Variants in ANKFN1 observed in about 807,000 individuals in gnomAD.
ANKFN1 encodes ankyrin repeat and fibronectin type III domain containing 1.
ANKFN1 carries 74 observed loss-of-function variants against 108.7 expected under a neutral mutation model. That is an observed-to-expected ratio of 0.68 (90% confidence interval 0.56 to 0.83). The LOEUF (loss-of-function observed/expected upper bound fraction) is 0.83, where lower values mean the gene tolerates loss of function less well. ANKFN1 is among the 40% of genes least tolerant of loss of function. The pLI is 0.00. For synonymous variants in ANKFN1, 547 were observed against 516.2 expected, an observed-to-expected ratio of 1.06 and a Z score of -0.81; for missense variants, 1,505 against 1,382.3, an observed-to-expected ratio of 1.09 and a Z score of -1.41.
chr17:56,113,068 C>A (rs550765217), intron 4 of ANKFN1, among the ~76,000 whole-genome samples: 2 of 152,256 alleles, frequency 1.3e-5, no homozygotes, highest in African/African-American at 4.8e-5. Context: ...ATCATGTGAC[C>A]TTATGAAAGT....
At chr17:56,334,080 T>C (rs2045739882) in intron 4 of ANKFN1, among the ~76,000 whole-genome samples, 1 of 152,062 alleles carries the variant, frequency 6.6e-6, no homozygotes, top group South Asian at 2.1e-4. Flanking sequence ...CATCTAACAA[T>C]TGAATAAATG....
At chr17:56,496,017 C>A (rs908670123) in intron 19 of ANKFN1, among the ~76,000 whole-genome samples, 1 of 152,048 alleles carries the variant, frequency 6.6e-6, no homozygotes, top group Non-Finnish European at 1.5e-5. Flanking sequence ...GTCAGCAAGT[C>A]TTTAGAAGGT....
intron 8 of ANKFN1, among the ~76,000 whole-genome samples, chr17:56,398,564 A>G (rs2047656754): frequency 6.6e-6 from 1 of 152,164 alleles, no homozygotes; most frequent in African/African-American, 2.4e-5. Context: ...CCTCAATCCA[A>G]AAGTTAAATA....
At position 56,318,239 on chromosome 17, in the gene ANKFN1, T is replaced by TG. The variant is rs199992403; in HGVS notation, c.54-7974dup. ...TGTAAAAATAGATAATTAATGGTTC[T>TG]GGGGGGGGTGTGCTGGCCTTTGGCA... On this transcript the variant is annotated intron_variant, in intron 3 of 20. Transcript: ENST00000682825. Among the ~76,000 whole-genome samples, 850 of 151,814 alleles carry TG rather than the reference T, an allele frequency of 5.6e-3. 5 individuals are homozygous for TG. Among genetic ancestry groups the TG allele is most frequent in the African/African-American group, 0.016 (654 of 41,432 alleles).
At chr17:56,266,565 T>C (rs1280302866) in intron 3 of ANKFN1, among the ~76,000 whole-genome samples, 7 of 152,180 alleles carry the variant, frequency 4.6e-5, no homozygotes, top group African/African-American at 1.4e-4. Context: ...TAAGTTGAGA[T>C]CTTCTAAACA....
chr17:56,332,927 C>T (rs964068323), intron 4 of ANKFN1, among the ~76,000 whole-genome samples: 2 of 151,634 alleles, frequency 1.3e-5, no homozygotes, highest in Non-Finnish European at 2.9e-5. Flanking sequence ...AGAACTGACA[C>T]TTTAACAATA....
At chr17:56,229,741 T>C (rs1916582932) in intron 3 of ANKFN1, among the ~76,000 whole-genome samples, 1 of 150,802 alleles carries the variant, frequency 6.6e-6, no homozygotes, top group South Asian at 2.1e-4. Flanking sequence ...TGTGACTGTT[T>C]GTTTTCTTTT....
chr17:56,341,012 C>T (rs1421305802), intron 4 of ANKFN1, among the ~76,000 whole-genome samples: 1 of 152,018 alleles, frequency 6.6e-6, no homozygotes, highest in Non-Finnish European at 1.5e-5. Flanking sequence ...TTGTAGAGAT[C>T]TTTCACCCCC....
intron 8 of ANKFN1, among the ~76,000 whole-genome samples, chr17:56,415,647 A>G (rs1255253214): frequency 1.3e-5 from 2 of 152,302 alleles, no homozygotes; most frequent in East Asian, 3.9e-4. Flanking sequence ...ACCCAAAGCA[A>G]TCTATAGATT....
rs190206127 is a variant in ANKFN1, at chr17:56,174,958, G to A, written c.-71+21428G>A. On this transcript the variant is annotated intron_variant, in intron 1 of 20. Coordinates refer to ENST00000682825, the MANE Select transcript of ANKFN1 (RefSeq NM_001370326.1). The stretch of plus-strand genomic sequence containing the variant: ...CTTTCTTTATTTTTTTATTAAGTGG[G>A]AGGGAGTTAATTATCTCTCTCTGTG... 2.7e-3 allele frequency among the ~76,000 whole-genome samples: 413 copies of A among 152,214 alleles called. 2 individuals carry two copies. The highest frequency in any genetic ancestry group is 9.4e-3 in the African/African-American group (392 of 41,544).
chr17:56,174,401 G>C, intron 1 of ANKFN1: 2 of 985,590 alleles, frequency 2.0e-6, no homozygotes, highest in Non-Finnish European at 2.4e-6. Flanking sequence ...CAGAGGCTGA[G>C]GTTGGCTTCC....
intron 4 of ANKFN1, among the ~76,000 whole-genome samples, chr17:56,099,564 G>A (rs1258615577): frequency 1.3e-5 from 2 of 152,158 alleles, no homozygotes; most frequent in Non-Finnish European, 2.9e-5. Context: ...GGACATAAAG[G>A]TTGATTAAAC....
At chr17:56,124,526 C>T (rs1333678863) in intron 4 of ANKFN1, among the ~76,000 whole-genome samples, 1 of 152,146 alleles carries the variant, frequency 6.6e-6, no homozygotes, top group Non-Finnish European at 1.5e-5. Flanking sequence ...TTCTTGGGTC[C>T]CTGGATTTAG....
intron 1 of ANKFN1, among the ~76,000 whole-genome samples, chr17:56,182,845 G>T (rs909702345): frequency 1.1e-4 from 17 of 152,140 alleles, no homozygotes; most frequent in African/African-American, 4.1e-4. Context: ...TGCAGCTGGT[G>T]GTCAATGTCA....
chr17:56,196,589 A>AG (rs1913532754), intron 1 of ANKFN1, among the ~76,000 whole-genome samples: 1 of 152,132 alleles, frequency 6.6e-6, no homozygotes, highest in African/African-American at 2.4e-5. Context: ...TTAAAAAAAA[A>AG]TTTAGCAGAG....
In ANKFN1 at chr17:56,511,169, C is replaced by A. The variant is rs2051754827; in HGVS notation, c.3341C>A (p.Ser1114Tyr). The part of the protein sequence containing the change: ...EKPWASLSPP[S>Y]GGRITLPSPT... Reference sequence around the variant, plus strand: ...CCATGGGCAAGCTTGAGCCCGCCCTCTGGAGGCCGCATCACCCTGCCCAGC... The same window carrying A: ...CCATGGGCAAGCTTGAGCCCGCCCTATGGAGGCCGCATCACCCTGCCCAGC... The change falls in exon 21 of 21, where the codon TCT becomes TAT. Residue 1114 changes from serine (S) to tyrosine (Y), a missense_variant. Physicochemically the swap from Ser to Tyr is moderately radical, Grantham distance 144 (BLOSUM62 -2). Transcript: ENST00000682825. 6.5e-7 allele frequency: 1 copy of A among 1,535,960 alleles called. No homozygotes were observed. The highest frequency in any genetic ancestry group is 8.7e-7 in the Non-Finnish European group (1 of 1,146,886).
intron 4 of ANKFN1, among the ~76,000 whole-genome samples, chr17:56,083,050 C>A (rs1433795382): frequency 1.3e-5 from 2 of 151,276 alleles, no homozygotes; most frequent in East Asian, 3.9e-4. Flanking sequence ...ATAAGAGCAG[C>A]CTTTTGCTCT....
At chr17:56,354,182 T>C in intron 6 of ANKFN1, 136 bp downstream of exon 6, 1 of 791,568 alleles carries the variant, frequency 1.3e-6, no homozygotes, top group Non-Finnish European at 2.0e-6. Context: ...GATGTTTTCA[T>C]GGGCTTTCAT....
chr17:56,104,888 A>T (rs1241510963), intron 4 of ANKFN1, among the ~76,000 whole-genome samples: 2 of 152,172 alleles, frequency 1.3e-5, no homozygotes, highest in Admixed American at 6.5e-5. Flanking sequence ...AAAAACTTTC[A>T]TGCATTCAGA....
Sources: allele counts gnomAD v4.1 joint callset (sites outside exome capture counted in the v4.1 genomes callset), GRCh38; gene constraint gnomAD v4.1.1; transcripts MANE v1.5; gene names NCBI Gene and HGNC (gene_info 2026-07-23, HGNC 2026-07-21).